The following CPNE4 variants were observed in gnomAD, a reference collection of about 807,000 sequenced individuals.
CPNE4 encodes copine-4.
Under a neutral mutation model 67.9 loss-of-function variants are expected in CPNE4, and 25 were observed. That is an observed-to-expected ratio of 0.37 (90% CI 0.27 to 0.51). The LOEUF is 0.51. Among genes scored for constraint, CPNE4 ranks in the 20% least tolerant of loss-of-function variants. CPNE4 has a pLI of 0.93. For synonymous variants in CPNE4, 242 were observed against 244.9 expected (o/e 0.99, Z 0.11); for missense variants, 464 against 690.8 (o/e 0.67, Z 3.68).
chr3:131,776,680 A>G (rs1018019374), intron 2 of CPNE4, among the ~76,000 whole-genome samples: 7 of 152,160 alleles, frequency 4.6e-5, no homozygotes, highest in African/African-American at 1.2e-4. Flanking sequence ...AACAATCAGC[A>G]TCTCCAAAAC....
chr3:131,742,941 A>ATATTAACAATTCATATTCATAT (rs2082392418), intron 2 of CPNE4, among the ~76,000 whole-genome samples: 1 of 152,190 alleles, frequency 6.6e-6, no homozygotes, highest in Non-Finnish European at 1.5e-5. Context: ...CTTAATATTC[A>ATATTAACAATTCATATTCATAT]TCTTAATAAA....
intron 3 of CPNE4, among the ~76,000 whole-genome samples, chr3:131,720,563 C>T (rs1170009278): frequency 2.0e-5 from 3 of 152,134 alleles, no homozygotes; most frequent in Non-Finnish European, 4.4e-5. Context: ...GGATTACAGG[C>T]GTGAGCCACC....
chr3:131,815,636 CGA>C (rs1560381525), intron 2 of CPNE4, among the ~76,000 whole-genome samples: 1 of 152,100 alleles, frequency 6.6e-6, no homozygotes, highest in Non-Finnish European at 1.5e-5. Flanking sequence ...GCCAGTAAGT[CGA>C]GAGACAAGGT....
At chr3:132,023,794 G>T (rs946347308) in intron 1 of CPNE4, among the ~76,000 whole-genome samples, 2 of 152,074 alleles carry the variant, frequency 1.3e-5, no homozygotes, top group African/African-American at 4.8e-5. Context: ...GCCCAGATCA[G>T]CCTTTTATTT....
chr3:132,007,072 C>G (rs373175850), intron 1 of CPNE4, among the ~76,000 whole-genome samples: 1 of 152,054 alleles, frequency 6.6e-6, no homozygotes, highest in East Asian at 1.9e-4. Flanking sequence ...GTGATGTGCT[C>G]GGCACCTCTA....
rs780296770 is a variant in CPNE4, at chr3:131,928,149, G to A, written c.-1-22705C>T. ...TATTACTTTTATATCAGAGAAACAGGAAGGATTATGTTTTAAAGCATTAAG... is the reference window on the plus strand; with the variant it reads ...TATTACTTTTATATCAGAGAAACAGAAAGGATTATGTTTTAAAGCATTAAG... On this transcript the variant is annotated intron_variant, in intron 1 of 15. Coordinates refer to ENST00000429747, the MANE Select transcript of CPNE4 (RefSeq NM_130808.3). Among the ~76,000 whole-genome samples, 193 of 152,082 alleles carry A rather than the reference G, an allele frequency of 1.3e-3. 1 individual carries two copies. Among genetic ancestry groups the A allele is most frequent in the Non-Finnish European group, 2.1e-3 (141 of 68,004 alleles).
chr3:131,775,809 A>G (rs938456085), intron 2 of CPNE4, among the ~76,000 whole-genome samples: 7 of 152,192 alleles, frequency 4.6e-5, no homozygotes, highest in African/African-American at 1.7e-4. Flanking sequence ...CAAAACTCAA[A>G]GACAAAGGAA....
In CPNE4 at chr3:131,875,575, G is replaced by A. The variant is rs530835485; in HGVS notation, c.180+29689C>T. Among the ~76,000 whole-genome samples the A allele has an allele frequency of 5.8e-3, 877 of 151,790 alleles. 3 individuals are homozygous for A. The highest frequency in any genetic ancestry group is 8.6e-3 in the Non-Finnish European group (585 of 67,956). ...AAACCATCATTCTCAGCAAACTATC[G>A]CAAGGACAAAAAACCAAACACCGCA... On this transcript the variant is annotated intron_variant, in intron 2 of 15. Transcript: ENST00000429747.
At chr3:131,930,301 C>T (rs914158228) in intron 1 of CPNE4, among the ~76,000 whole-genome samples, 21 of 151,758 alleles carry the variant, frequency 1.4e-4, no homozygotes, top group African/African-American at 4.4e-4. Context: ...GAGACAGAGC[C>T]CAGAGGAAAA....
chr3:131,884,698 C>A (rs989045392), intron 2 of CPNE4, among the ~76,000 whole-genome samples: 3 of 152,110 alleles, frequency 2.0e-5, no homozygotes, highest in African/African-American at 7.2e-5. Context: ...ATCATGGGGG[C>A]AGTTTCCTCC....
At chr3:131,736,921 A>G (rs1160950446) in intron 2 of CPNE4, among the ~76,000 whole-genome samples, 1 of 152,080 alleles carries the variant, frequency 6.6e-6, no homozygotes. Flanking sequence ...ATTAATCTCA[A>G]CAGATCTTCA....
At chr3:131,663,543 A>G (rs1447349987) in intron 7 of CPNE4, among the ~76,000 whole-genome samples, 1 of 152,196 alleles carries the variant, frequency 6.6e-6, no homozygotes, top group African/African-American at 2.4e-5. Flanking sequence ...GTATTTCTCA[A>G]TGTGTGTTTG....
chr3:131,706,614 T>C (rs975838866), intron 3 of CPNE4, among the ~76,000 whole-genome samples: 1 of 152,214 alleles, frequency 6.6e-6, no homozygotes, highest in South Asian at 2.1e-4. Flanking sequence ...TGCCTCATTA[T>C]ACCCTCCTCC....
At chr3:131,853,092 A>G (rs2086299664) in intron 2 of CPNE4, among the ~76,000 whole-genome samples, 1 of 151,826 alleles carries the variant, frequency 6.6e-6, no homozygotes, top group Admixed American at 6.6e-5. Flanking sequence ...CATTTCTATA[A>G]AAAGTCATGT....
chr3:132,034,317 T>A (rs2074302017), intron 1 of CPNE4, among the ~76,000 whole-genome samples: 1 of 151,984 alleles, frequency 6.6e-6, no homozygotes, highest in Non-Finnish European at 1.5e-5. Context: ...TCTCCCCAAC[T>A]CCATTCGCCC....
chr3:131,730,005 C>T lies in CPNE4; in HGVS notation c.181-6380G>A, dbSNP rs368440597. Among the ~76,000 whole-genome samples, 15 of 152,310 alleles carry T rather than the reference C, an allele frequency of 9.8e-5. 1 individual carries two copies. The highest frequency in any genetic ancestry group is 7.2e-4 in the Admixed American group (11 of 15,304). On this transcript the variant is annotated intron_variant, in intron 2 of 15. Transcript: ENST00000429747. ...ACATGTTATCTTCTTCAAGCCTTAC[C>T]CTCATCAACTTTAAAACATACTTTT... is the stretch of plus-strand genomic sequence containing the variant.
chr3:131,572,231 A>AAAG (rs1559918945), intron 10 of CPNE4, among the ~76,000 whole-genome samples: 1 of 152,102 alleles, frequency 6.6e-6, no homozygotes, highest in Non-Finnish European at 1.5e-5. Flanking sequence ...CAGGAAACAA[A>AAAG]AAGTCCACTC....
At position 131,888,372 on chromosome 3, in the gene CPNE4, A is replaced by G. The variant is rs549322374; in HGVS notation, c.180+16892T>C. 3.3e-5 allele frequency among the ~76,000 whole-genome samples: 5 copies of G among 151,734 alleles called. No homozygotes were observed. In the East Asian group the frequency reaches 9.7e-4, roughly 30 times the overall value. The stretch of plus-strand genomic sequence containing the variant: ...TCCTTTGATACACAGTTTCAAGACC[A>G]TAATCTTTCAACAGGAACTAGTCTT... On this transcript the variant is annotated intron_variant, in intron 2 of 15. Coordinates refer to ENST00000429747, the MANE Select transcript of CPNE4 (RefSeq NM_130808.3).
At chr3:131,631,992 C>A (rs1238288387) in intron 7 of CPNE4, among the ~76,000 whole-genome samples, 1 of 150,558 alleles carries the variant, frequency 6.6e-6, no homozygotes, top group Non-Finnish European at 1.5e-5. Context: ...GGCTGAGGCA[C>A]AAGAGGGAGG....
Sources: gnomAD v4.1 joint callset for allele counts (sites outside exome capture counted in the v4.1 genomes callset) on GRCh38, gnomAD v4.1.1 for gene constraint, MANE v1.5 for transcripts, NCBI Gene and HGNC (gene_info 2026-07-23, HGNC 2026-07-21) for gene names.